COL5A1: variants seen among roughly 807,000 people sequenced by gnomAD.
The protein encoded by COL5A1 is collagen alpha-1(V) chain.
A neutral mutation model predicts 263.7 loss-of-function variants in COL5A1; 16 were observed. The observed-to-expected ratio is 0.06, with a 90% confidence interval of 0.04 to 0.09. The LOEUF (loss-of-function observed/expected upper bound fraction) is 0.09, where lower values mean the gene tolerates loss of function less well. Ranked by LOEUF, COL5A1 falls within the 10% of genes least tolerant of loss-of-function variation. The pLI is 1.00. For missense variants in COL5A1, 2,036 were observed against 2,540.5 expected (o/e 0.80, Z 4.27); for synonymous variants, 1,012 against 1,004.5 (o/e 1.01, Z -0.14).
intron 4 of COL5A1, among the ~76,000 whole-genome samples, chr9:134,720,185 C>T (rs1218875642): frequency 6.6e-6 from 1 of 152,186 alleles, no homozygotes; most frequent in Non-Finnish European, 1.5e-5. Flanking sequence ...TGGAAGGCTG[C>T]AGGCTGAGGT....
At chr9:134,690,465 G>A (rs1208911312) in intron 1 of COL5A1, among the ~76,000 whole-genome samples, 1 of 152,222 alleles carries the variant, frequency 6.6e-6, no homozygotes, top group Admixed American at 6.5e-5. Context: ...TCCGCAGTGG[G>A]CCTTCTGTGG....
chr9:134,753,693 C>G (rs73664130), intron 14 of COL5A1, among the ~76,000 whole-genome samples, 157 bp from the exon 15 acceptor site: 2 of 151,880 alleles, frequency 1.3e-5, no homozygotes, highest in Non-Finnish European at 2.9e-5. Flanking sequence ...TTCTTCCCCC[C>G]GGTTCTGTTC....
Position 134,756,618 on chromosome 9 carries a change from G to A in COL5A1, c.1828-147G>A, listed in dbSNP as rs150730683. On this transcript the variant is annotated intron_variant, in intron 16 of 65. Transcript: ENST00000371817. ...CCCGGGCTCCTGGATCTGGGTCCTC[G>A]CAGCAGCCCGGCCACTCGGGCTGTG... is the stretch of plus-strand genomic sequence containing the variant. 2.7e-3 allele frequency: 2,277 copies of A among 858,862 alleles called. 42 individuals carry two copies. In the African/African-American group the frequency reaches 0.03, roughly 11 times the overall value. The allele number at this position is 858,862 out of a possible 1,614,324, so 53.2% of individuals were successfully genotyped here.
At chr9:134,753,723 T>G in intron 14 of COL5A1, 127 bp from the exon 15 acceptor site, 2 of 725,494 alleles carry the variant, frequency 2.8e-6, no homozygotes, top group Non-Finnish European at 5.1e-6. Context: ...AGGTCGCGCT[T>G]TGTGTGCTGA....
chr9:134,832,134 G>A (rs1839659876), intron 64 of COL5A1, among the ~76,000 whole-genome samples: 1 of 152,050 alleles, frequency 6.6e-6, no homozygotes, highest in South Asian at 2.1e-4. Context: ...GGCTGGGCAG[G>A]TTGGCTCACA....
chr9:134,751,357 A>G (rs1564431833), intron 13 of COL5A1, among the ~76,000 whole-genome samples: 1 of 152,158 alleles, frequency 6.6e-6, no homozygotes, highest in Non-Finnish European at 1.5e-5. Flanking sequence ...CTGACCCAGT[A>G]GGCCCACCTT....
At position 134,842,628 on chromosome 9, in the gene COL5A1, C is replaced by T. The variant is rs1371954627; in HGVS notation, c.*325C>T. 29 of 484,872 alleles carry T rather than the reference C, an allele frequency of 6.0e-5. No individual in the cohort carries two copies. The highest frequency in any genetic ancestry group is 6.0e-5 in the Non-Finnish European group (16 of 267,428). The allele number at this position is 484,872 out of a possible 1,614,324, so 30.0% of individuals were successfully genotyped here. The stretch of plus-strand genomic sequence containing the variant: ...CCCAGCTCGCCCGACCCATCCTGTT[C>T]GTGAATAGGTCTCAGGGGTTGGGGG... On this transcript the variant is annotated 3_prime_UTR_variant, in exon 66 of 66. Coordinates refer to ENST00000371817, the MANE Select transcript of COL5A1 (RefSeq NM_000093.5). This position sits in a 1 kb window ranked among gnomAD's most constrained non-coding sequence, Gnocchi z 5.8.
intron 64 of COL5A1, chr9:134,830,366 T>A (rs555645747): frequency 1.6e-6 from 1 of 633,752 alleles, no homozygotes; most frequent in Non-Finnish European, 2.7e-6. Context: ...CTGACAAGAG[T>A]GTGTTTCTGC....
chr9:134,728,861 A>C (rs1272399112), intron 6 of COL5A1, 54 bp downstream of exon 6: 4 of 1,610,414 alleles, frequency 2.5e-6, no homozygotes, highest in Non-Finnish European at 3.4e-6. Flanking sequence ...GCCATGGTGC[A>C]GGGGAGGGCG....
intron 22 of COL5A1, 126 bp from the exon 23 acceptor site, chr9:134,766,874 C>T: frequency 6.3e-6 from 6 of 956,890 alleles, no homozygotes; most frequent in Non-Finnish European, 9.9e-6. Context: ...CTTTCCCTTC[C>T]CGCTGGCATT....
intron 2 of COL5A1, chr9:134,691,762 A>G (rs12552193): frequency 0.11 from 16,982 of 152,966 alleles, 1,208 homozygotes; most frequent in Admixed American, 0.16. Flanking sequence ...CCACTTGCTC[A>G]TGGCCTGGAC....
intron 42 of COL5A1, among the ~76,000 whole-genome samples, chr9:134,807,069 C>T (rs891968970): frequency 3.3e-5 from 5 of 152,202 alleles, no homozygotes; most frequent in South Asian, 2.1e-4. Context: ...TGCCACTTAC[C>T]GTCCAGAAGT....
chr9:134,776,333 G>A (rs1244666539), intron 27 of COL5A1, among the ~76,000 whole-genome samples: 1 of 152,158 alleles, frequency 6.6e-6, no homozygotes, highest in African/African-American at 2.4e-5. Flanking sequence ...TCCCATACAT[G>A]GCTAATTGCA....
rs1480134730 is a variant in COL5A1 at position 134,690,815 on chromosome 9, T to G, written c.110-97T>G. ...TCTGAGTGCCCAGGATTCACAGTGG[T>G]GGGGGTGGGGGTGCTTCCTGTCATC... On this transcript the variant is annotated intron_variant, in intron 1 of 65. Coordinates refer to ENST00000371817, the MANE Select transcript of COL5A1 (RefSeq NM_000093.5). 2.1e-6 allele frequency: 3 copies of G among 1,418,738 alleles called. No individual in the cohort carries two copies. The African/African-American group carries it at 4.2e-5, about 20-fold the overall frequency. 87.9% of individuals were successfully genotyped at this position (1,418,738 alleles called of 1,614,324 possible). A position where few individuals can be genotyped will look rare whatever the true frequency, so the allele number is the denominator to read the frequency against.
rs1830200624 is a variant in COL5A1, at chr9:134,844,828, G to GTGTT, written c.*2527_*2530dup. 1 of 152,226 alleles carries GTGTT rather than the reference G, an allele frequency of 6.6e-6. No individual in the cohort carries two copies. Among genetic ancestry groups the GTGTT allele is most frequent in the Non-Finnish European group, 1.5e-5 (1 of 68,036 alleles). The allele number at this position is 152,226 out of a possible 1,614,324, so 9.4% of individuals were successfully genotyped here. ...ATAGTTTTTCAATAAATCGAGTTGG[G>GTGTT]TGTTTCCACCGTAAACAGATGTGAG... On this transcript the variant is annotated 3_prime_UTR_variant, in exon 66 of 66. Coordinates refer to ENST00000371817, the MANE Select transcript of COL5A1 (RefSeq NM_000093.5).
At chr9:134,775,747 GAAT>G (rs1454212733) in intron 27 of COL5A1, among the ~76,000 whole-genome samples, 2 of 152,222 alleles carry the variant, frequency 1.3e-5, no homozygotes, top group East Asian at 3.9e-4. Context: ...GGATGTGAAG[GAAT>G]ATGTGTGTAT....
Position 134,821,087 on chromosome 9 carries a change from C to T in COL5A1, c.4554+864C>T, listed in dbSNP as rs1402600287. Among the ~76,000 whole-genome samples, 3 of 152,140 alleles carry T rather than the reference C, an allele frequency of 2.0e-5. No homozygotes were observed. Among genetic ancestry groups the T allele is most frequent in the Non-Finnish European group, 4.4e-5 (3 of 68,022 alleles). On this transcript the variant is annotated intron_variant, in intron 58 of 65. Coordinates refer to ENST00000371817, the MANE Select transcript of COL5A1 (RefSeq NM_000093.5). This position sits in a 1 kb window ranked among gnomAD's most constrained non-coding sequence, Gnocchi z 4.2. ...AAACCCTACCTCACTGGCCAGTGTC[C>T]TCCATGCCATTGACTGTTTTCCTCT...
At chr9:134,735,422 C>T (rs756213035) in intron 9 of COL5A1, among the ~76,000 whole-genome samples, 1 of 151,934 alleles carries the variant, frequency 6.6e-6, no homozygotes, top group Non-Finnish European at 1.5e-5. Flanking sequence ...AGGCGTTTTC[C>T]TCTCGTTCCT....
At chr9:134,796,116 C>A (rs1837896832) in intron 34 of COL5A1, among the ~76,000 whole-genome samples, 1 of 152,232 alleles carries the variant, frequency 6.6e-6, no homozygotes, top group African/African-American at 2.4e-5. Context: ...CTTTGTCCCA[C>A]TCAGGAGACT....
Sources: allele counts gnomAD v4.1 joint callset (sites outside exome capture counted in the v4.1 genomes callset), GRCh38; gene constraint gnomAD v4.1.1; non-coding constraint Gnocchi (gnomAD v3.1); transcripts MANE v1.5; gene names NCBI Gene and HGNC (gene_info 2026-07-23, HGNC 2026-07-21).